Variants in CPQ observed in about 807,000 individuals in gnomAD.
The protein encoded by CPQ is carboxypeptidase Q, also known as Ser-Met dipeptidase.
Under a neutral mutation model 45.7 loss-of-function variants are expected in CPQ, and 37 were observed. The ratio of observed to expected loss-of-function variants is 0.81; its 90% confidence interval spans 0.62 to 1.07. The LOEUF (loss-of-function observed/expected upper bound fraction) is 1.07, where lower values mean the gene tolerates loss of function less well. Ranked by LOEUF, CPQ falls within the 50% of genes least tolerant of loss-of-function variation. The probability of loss-of-function intolerance (pLI) is 0.00; values close to 1 mark genes in which losing one functional copy is unlikely to be tolerated. For missense variants in CPQ, 537 were observed against 572.9 expected, an observed-to-expected ratio of 0.94 and a Z score of 0.64; for synonymous variants, 186 against 205.8, an observed-to-expected ratio of 0.90 and a Z score of 0.82.
intron 4 of CPQ, among the ~76,000 whole-genome samples, chr8:96,924,147 T>C (rs931615092): frequency 5.3e-5 from 8 of 152,148 alleles, no homozygotes; most frequent in Non-Finnish European, 1.2e-4. Flanking sequence ...CAAAAGTGGA[T>C]GCAGAGGTTT....
intron 4 of CPQ, among the ~76,000 whole-genome samples, chr8:96,903,322 G>A (rs1473591329): frequency 3.9e-5 from 6 of 152,204 alleles, no homozygotes; most frequent in Non-Finnish European, 8.8e-5. Flanking sequence ...GTTCTTAACA[G>A]CACTTCACTG....
intron 2 of CPQ, among the ~76,000 whole-genome samples, chr8:96,801,797 CCT>C (rs1379543428): frequency 6.6e-6 from 1 of 152,156 alleles, no homozygotes; most frequent in Non-Finnish European, 1.5e-5. Flanking sequence ...CTCTCTGCCT[CCT>C]CTCTGCCTTC....
In CPQ at chr8:97,132,500, A is replaced by G. The variant is rs182335459; in HGVS notation, c.1256-10520A>G. Among the ~76,000 whole-genome samples the G allele has an allele frequency of 3.5e-3, 529 of 152,240 alleles. 5 individuals are homozygous for G. The highest frequency in any genetic ancestry group is 3.5e-3 in the Non-Finnish European group (237 of 68,014). On this transcript the variant is annotated intron_variant, in intron 7 of 7. Transcript: ENST00000220763. ...GGGAGGTAGACAGGAAGAGGTGGGG[A>G]AAAATGTTTAAGTTCAAATGTCATC...
At chr8:96,815,518 G>C (rs1811216401) in intron 2 of CPQ, among the ~76,000 whole-genome samples, 1 of 151,936 alleles carries the variant, frequency 6.6e-6, no homozygotes, top group Non-Finnish European at 1.5e-5. Context: ...AGGAAAAAAA[G>C]AAAGAAAGAA....
intron 1 of CPQ, among the ~76,000 whole-genome samples, chr8:96,676,739 T>G (rs915168277): frequency 6.6e-6 from 1 of 152,010 alleles, no homozygotes; most frequent in African/African-American, 2.4e-5. Context: ...GATAGGCTGT[T>G]TAGTGGTGAT....
intron 5 of CPQ, among the ~76,000 whole-genome samples, chr8:96,982,293 C>T (rs545922845): frequency 1.2e-4 from 18 of 152,228 alleles, no homozygotes; most frequent in African/African-American, 4.1e-4. Flanking sequence ...GCAGTGAATA[C>T]TCTTGCTTTA....
chr8:96,992,465 C>A (rs879906537), intron 5 of CPQ, among the ~76,000 whole-genome samples: 1 of 151,992 alleles, frequency 6.6e-6, no homozygotes. Context: ...GTGAAGAATA[C>A]CTAGATGTAG....
chr8:97,056,808 A>G (rs1429839821), intron 6 of CPQ, among the ~76,000 whole-genome samples: 2 of 152,202 alleles, frequency 1.3e-5, no homozygotes, highest in African/African-American at 2.4e-5. Flanking sequence ...GAATATGCTG[A>G]TGAACTAACA....
chr8:96,893,142 T>C (rs1812399012), intron 4 of CPQ, among the ~76,000 whole-genome samples: 1 of 152,214 alleles, frequency 6.6e-6, no homozygotes, highest in Admixed American at 6.5e-5. Flanking sequence ...GTGGCTGAGC[T>C]GGGATTTAAA....
chr8:97,013,207 G>C (rs767756061), intron 5 of CPQ, among the ~76,000 whole-genome samples: 3 of 152,034 alleles, frequency 2.0e-5, no homozygotes, highest in Admixed American at 1.3e-4. Flanking sequence ...TTGAACCTGG[G>C]GGGCAGAGGT....
At chr8:96,659,217 A>C (rs1815671112) in intron 1 of CPQ, 1 of 152,270 alleles carries the variant, frequency 6.6e-6, no homozygotes, top group Admixed American at 6.5e-5. Flanking sequence ...CTATGGCCCT[A>C]GGTGTTTTTC....
chr8:96,742,134 A>G (rs1199475928), intron 1 of CPQ, among the ~76,000 whole-genome samples: 2 of 148,444 alleles, frequency 1.3e-5, no homozygotes, highest in East Asian at 2.0e-4. Flanking sequence ...GTCACTCAGG[A>G]CTTGCTTTAT....
intron 5 of CPQ, among the ~76,000 whole-genome samples, chr8:97,021,073 CA>C (rs1809671254): frequency 6.6e-6 from 1 of 152,108 alleles, no homozygotes; most frequent in Non-Finnish European, 1.5e-5. Context: ...TTAACATACA[CA>C]AGTCAATAAA....
chr8:97,009,279 C>T (rs553015632), intron 5 of CPQ, among the ~76,000 whole-genome samples: 11 of 152,326 alleles, frequency 7.2e-5, no homozygotes, highest in Admixed American at 3.3e-4. Context: ...GCCAGACTGA[C>T]ACTTTCCTCT....
chr8:96,781,595 G>A (rs534345139), intron 1 of CPQ, among the ~76,000 whole-genome samples: 1 of 152,262 alleles, frequency 6.6e-6, no homozygotes, highest in East Asian at 1.9e-4. Flanking sequence ...TAAACCCATA[G>A]TATTCCTCCT....
At chr8:97,018,668 A>T (rs1809622929) in intron 5 of CPQ, among the ~76,000 whole-genome samples, 2 of 152,328 alleles carry the variant, frequency 1.3e-5, no homozygotes, top group South Asian at 4.1e-4. Context: ...AAGTTTTCGA[A>T]TTAAGCAAAG....
chr8:96,941,583 G>A (rs1218559892), intron 4 of CPQ, among the ~76,000 whole-genome samples: 1 of 152,102 alleles, frequency 6.6e-6, no homozygotes, highest in East Asian at 1.9e-4. Context: ...TTGAGTGTCA[G>A]TATGAGGTTG....
intron 3 of CPQ, among the ~76,000 whole-genome samples, chr8:96,845,071 T>C (rs1273031896): frequency 1.3e-5 from 2 of 152,240 alleles, no homozygotes; most frequent in East Asian, 3.8e-4. Flanking sequence ...GAATGCTGTT[T>C]CCCTGCTTTG....
chr8:97,108,117 A>C (rs755880517), intron 7 of CPQ, among the ~76,000 whole-genome samples: 2 of 152,214 alleles, frequency 1.3e-5, no homozygotes, highest in Non-Finnish European at 2.9e-5. Flanking sequence ...TTTCAGGTCA[A>C]AGTTGATTAT....
Sources: gnomAD v4.1 joint callset for allele counts (sites outside exome capture counted in the v4.1 genomes callset) on GRCh38, gnomAD v4.1.1 for gene constraint, MANE v1.5 for transcripts, NCBI Gene and HGNC (gene_info 2026-07-23, HGNC 2026-07-21) for gene names.